Variants in ATP7A observed in about 807,000 individuals in gnomAD.
ATP7A encodes copper-transporting ATPase 1.
Under a neutral mutation model 83.5 loss-of-function variants are expected in ATP7A, and 7 were observed. The observed-to-expected ratio is 0.08, with a 90% CI of 0.05 to 0.16. The LOEUF (loss-of-function observed/expected upper bound fraction) is 0.16, where lower values mean the gene tolerates loss of function less well. ATP7A is among the 10% of genes least tolerant of loss of function. The pLI, the probability that ATP7A is intolerant of heterozygous loss-of-function variation, is 1.00. For missense variants in ATP7A, 940 were observed against 1,120.8 expected (o/e 0.84, Z 2.30); for synonymous variants, 354 against 395.2 (o/e 0.90, Z 1.24).
At position 77,935,818 on chromosome X, in the gene ATP7A, A is replaced by G. The variant is rs782349991; in HGVS notation, c.-22+24983A>G. Among the ~76,000 whole-genome samples, 3 of 112,868 alleles carry G rather than the reference A, an allele frequency of 2.7e-5. No homozygotes were observed. The East Asian group carries it at 8.3e-4, about 31-fold the overall frequency. On this transcript the variant is annotated intron_variant, in intron 1 of 22. Coordinates refer to ENST00000341514, the MANE Select transcript of ATP7A (RefSeq NM_000052.7). ...CAGAGTAAATGATAACATGTAGCTTATCTTTGTTCAAGGTACTGTGGGAAG... is the reference window on the plus strand; with the variant it reads ...CAGAGTAAATGATAACATGTAGCTTGTCTTTGTTCAAGGTACTGTGGGAAG...
In ATP7A at chrX:77,983,314, G is replaced by T. The variant is rs1376919063; in HGVS notation, c.121-4928G>T. 2.2e-4 allele frequency among the ~76,000 whole-genome samples: 25 copies of T among 112,089 alleles called. No individual in the cohort carries two copies. The Admixed American group carries it at 2.4e-3, about 11-fold the overall frequency. On this transcript the variant is annotated intron_variant, in intron 2 of 22. Coordinates refer to ENST00000341514, the MANE Select transcript of ATP7A (RefSeq NM_000052.7). ...AAGATTATTTTATCTAGTCTCTCAG[G>T]AAACTGAAGCCCTCAGAGGTAGGGT...
intron 2 of ATP7A, among the ~76,000 whole-genome samples, chrX:77,982,878 G>C (rs1487239903): frequency 8.9e-6 from 1 of 111,920 alleles, no homozygotes; most frequent in Non-Finnish European, 1.9e-5. Context: ...ATACCATAAA[G>C]TGGGTGGCTT....
intron 1 of ATP7A, among the ~76,000 whole-genome samples, chrX:77,960,695 C>G (rs2077469649): frequency 1.8e-5 from 2 of 111,591 alleles, no homozygotes; most frequent in African/African-American, 6.5e-5. Flanking sequence ...TGATTACCAT[C>G]TCTACTTAGG....
At chrX:77,976,357 G>T (rs946054953) in intron 2 of ATP7A, among the ~76,000 whole-genome samples, 4 of 112,010 alleles carry the variant, frequency 3.6e-5, no homozygotes, top group Non-Finnish European at 7.5e-5. Context: ...TTTTTCAGAG[G>T]TTTCAAAATG....
chrX:77,934,629 A>T (rs1396801946), intron 1 of ATP7A, among the ~76,000 whole-genome samples: 1 of 110,586 alleles, frequency 9.0e-6, no homozygotes, highest in African/African-American at 3.3e-5. Context: ...TTTGATTGCA[A>T]CCCATCACAT....
At chrX:78,045,409 G>T in intron 21 of ATP7A, 61 bp from the exon 22 acceptor site, 1 of 894,358 alleles carries the variant, frequency 1.1e-6, no homozygotes. Flanking sequence ...ATGTATGTTA[G>T]AAACACATTA....
chrX:78,027,862 ATATTAT>A (rs2077956012), intron 14 of ATP7A, among the ~76,000 whole-genome samples: 1 of 110,929 alleles, frequency 9.0e-6, no homozygotes, highest in Non-Finnish European at 1.9e-5. Flanking sequence ...TCAATATATG[ATATTAT>A]TATATGGGAT....
chrX:77,933,375 A>C (rs1463710587), intron 1 of ATP7A, among the ~76,000 whole-genome samples: 13 of 109,495 alleles, frequency 1.2e-4, no homozygotes, highest in Admixed American at 1.2e-3. Context: ...GTCTGTTTTT[A>C]ACCATTATGC....
intron 1 of ATP7A, among the ~76,000 whole-genome samples, chrX:77,954,713 T>A (rs2077431701): frequency 9.0e-6 from 1 of 111,697 alleles, no homozygotes; most frequent in East Asian, 2.8e-4. Context: ...AAAAATTAAT[T>A]GATCTGGAAA....
intron 1 of ATP7A, among the ~76,000 whole-genome samples, chrX:77,946,910 C>T (rs2077383341): frequency 9.0e-6 from 1 of 111,015 alleles, no homozygotes; most frequent in African/African-American, 3.3e-5. Context: ...TGGACGTATA[C>T]CCAAAACAAT....
chrX:78,016,087 T>C (rs1007658448), intron 12 of ATP7A, among the ~76,000 whole-genome samples: 2 of 111,899 alleles, frequency 1.8e-5, no homozygotes, highest in Admixed American at 9.5e-5. Context: ...AAGAAATACC[T>C]GAAACTGGGT....
intron 11 of ATP7A, 75 bp from the exon 12 acceptor site, chrX:78,015,679 A>G (rs1032329568): frequency 1.5e-5 from 17 of 1,171,149 alleles, no homozygotes; most frequent in Middle Eastern, 2.3e-4. Flanking sequence ...CTTGACGTGA[A>G]CTAAAGAGCT....
chrX:77,974,063 C>T (rs183719086), intron 2 of ATP7A, among the ~76,000 whole-genome samples: 1 of 110,687 alleles, frequency 9.0e-6, no homozygotes, highest in Non-Finnish European at 1.9e-5. Flanking sequence ...TATCCTGGAA[C>T]GTAGCCAAAC....
In ATP7A at chrX:78,022,501, G is replaced by GTTTATTTA. The variant is rs1224575072; in HGVS notation, c.2916+1425_2916+1426insATTTATTT. 5.4e-3 allele frequency among the ~76,000 whole-genome samples: 402 copies of GTTTATTTA among 75,041 alleles called. 3 individuals are homozygous for GTTTATTTA. Among genetic ancestry groups the GTTTATTTA allele is most frequent in the African/African-American group, 0.016 (352 of 22,369 alleles). The allele number at this position is 75,041 out of a possible 115,157, so 65.2% of individuals were successfully genotyped here. A position where few individuals can be genotyped will look rare whatever the true frequency, so the allele number is the denominator to read the frequency against. Reference sequence around the variant, plus strand: ...GGTACATGTGCATGTTTGTTTGTTTGTTTGTTTATTTATTTATTTATTTAT... The same window carrying GTTTATTTA: ...GGTACATGTGCATGTTTGTTTGTTTGTTTATTTATTTGTTTATTTATTTATTTATTTAT... On this transcript the variant is annotated intron_variant, in intron 14 of 22. Transcript: ENST00000341514.
intron 1 of ATP7A, among the ~76,000 whole-genome samples, chrX:77,920,849 G>A (rs5913599): frequency 7.3e-5 from 8 of 109,987 alleles, no homozygotes; most frequent in African/African-American, 9.9e-5. Context: ...TTACTGGGTC[G>A]AATTGAGTTC....
chrX:77,988,281 C>T lies in ATP7A; in HGVS notation c.160C>T (p.Pro54Ser), dbSNP rs782424899. ...EEKNATIIYD[P>S]KLQTPKTLQE... Reference sequence around the variant, plus strand: ...AAAAAATGCAACTATTATTTATGACCCTAAACTACAGACTCCAAAGACCCT... The same window carrying T: ...AAAAAATGCAACTATTATTTATGACTCTAAACTACAGACTCCAAAGACCCT... The change falls in exon 3 of 23, where the codon CCT (proline) becomes TCT (serine). Residue 54 changes from proline (P) to serine (S), a missense_variant. This residue lies in a region of ATP7A where 350 missense variants were observed against 432.8 expected (regional missense o/e 0.81). Coordinates refer to ENST00000341514, the MANE Select transcript of ATP7A (RefSeq NM_000052.7). 8.3e-7 allele frequency: 1 copy of T among 1,198,509 alleles called. No homozygotes were observed. The highest frequency in any genetic ancestry group is 1.8e-5 in the South Asian group (1 of 54,659).
At chrX:77,945,447 T>C (rs1318441192) in intron 1 of ATP7A, among the ~76,000 whole-genome samples, 2 of 112,402 alleles carry the variant, frequency 1.8e-5, no homozygotes, top group African/African-American at 6.5e-5. Flanking sequence ...CCCAAAGTGC[T>C]GGGTTTACAG....
At position 78,030,540 on chromosome X, in the gene ATP7A, T is replaced by G. The variant is rs782278759; in HGVS notation, c.3112-860T>G. On this transcript the variant is annotated intron_variant, in intron 15 of 22. Coordinates refer to ENST00000341514, the MANE Select transcript of ATP7A (RefSeq NM_000052.7). ...TCTCTTATGTAAACTGTAGTACAAC[T>G]ATCAAAATCAATAAATTAATATTGA... is the stretch of plus-strand genomic sequence containing the variant. Among the ~76,000 whole-genome samples the G allele has an allele frequency of 9.0e-5, 10 of 111,305 alleles. No homozygotes were observed. In the East Asian group the frequency reaches 2.8e-3, roughly 31 times the overall value.
intron 1 of ATP7A, among the ~76,000 whole-genome samples, chrX:77,938,162 A>C (rs1346625620): frequency 8.9e-6 from 1 of 112,443 alleles, no homozygotes; most frequent in Non-Finnish European, 1.9e-5. Context: ...ATGGATATAC[A>C]CACACACATT....
Sources: gnomAD v4.1 joint callset for allele counts (sites outside exome capture counted in the v4.1 genomes callset) on GRCh38, gnomAD v4.1.1 for gene constraint, gnomAD v4.1.1 regional missense constraint, MANE v1.5 for transcripts, NCBI Gene and HGNC (gene_info 2026-07-23, HGNC 2026-07-21) for gene names.